The following MOK variants were observed in gnomAD, a reference collection of about 807,000 sequenced individuals.
MOK encodes the protein MAPK/MAK/MRK overlapping kinase.
Under a neutral mutation model 54.2 loss-of-function variants are expected in MOK, and 59 were observed. The observed-to-expected ratio is 1.09, with a 90% CI of 0.88 to 1.35. The LOEUF (loss-of-function observed/expected upper bound fraction) is 1.35. Among genes scored for constraint, MOK ranks in the 40% most tolerant of loss-of-function variants. MOK has a pLI of 0.00. For missense variants in MOK, 517 were observed against 526.2 expected (o/e 0.98, Z 0.17); for synonymous variants, 210 against 202.7 (o/e 1.04, Z -0.31).
rs143143401 is a variant in MOK, at chr14:102,229,901, G to C, written c.982-244C>G. The C allele has an allele frequency of 7.1e-4, 357 of 500,240 alleles. 2 individuals are homozygous for C. The highest frequency in any genetic ancestry group is 6.2e-3 in the African/African-American group (325 of 52,034). The allele number at this position is 500,240 out of a possible 1,614,324, so 31.0% of individuals were successfully genotyped here. On this transcript the variant is annotated intron_variant, in intron 10 of 11. Coordinates refer to ENST00000361847, the MANE Select transcript of MOK (RefSeq NM_014226.3). ...ATGCCGACTGCAAGCTGAGCAGTGCGGGCGGCAAAGGGCTCGCGGGCTGTG... is the reference window on the plus strand; with the variant it reads ...ATGCCGACTGCAAGCTGAGCAGTGCCGGCGGCAAAGGGCTCGCGGGCTGTG...
intron 2 of MOK, among the ~76,000 whole-genome samples, chr14:102,281,618 T>A (rs1017657873): frequency 2.4e-4 from 37 of 152,020 alleles, no homozygotes; most frequent in South Asian, 2.1e-4. Context: ...GTTTTTTTTT[T>A]AATTTTTGTA....
At chr14:102,287,781 T>C (rs1597569832) in intron 1 of MOK, among the ~76,000 whole-genome samples, 3 of 151,312 alleles carry the variant, frequency 2.0e-5, no homozygotes, top group Non-Finnish European at 1.5e-5. Context: ...TGGAAAATGG[T>C]GCAGACACTA....
chr14:102,253,596 G>C (rs939831617), intron 4 of MOK, among the ~76,000 whole-genome samples: 2 of 152,192 alleles, frequency 1.3e-5, no homozygotes, highest in Non-Finnish European at 2.9e-5. Context: ...GTTTAGCGTG[G>C]CTGGCACAGT....
chr14:102,272,182 A>T (rs934948948), intron 2 of MOK, among the ~76,000 whole-genome samples: 1 of 152,206 alleles, frequency 6.6e-6, no homozygotes, highest in African/African-American at 2.4e-5. Flanking sequence ...CCTAACAAAG[A>T]CTTTTATATA....
chr14:102,239,503 C>T (rs2065526835), intron 7 of MOK, among the ~76,000 whole-genome samples: 1 of 138,796 alleles, frequency 7.2e-6, no homozygotes, highest in South Asian at 2.1e-4. Flanking sequence ...CAAACAGGCA[C>T]ACCAGGCCCT....
the MOK span, chr14:102,214,639 C>A: frequency 1.0e-6 from 1 of 984,468 alleles, no homozygotes; most frequent in Non-Finnish European, 1.2e-6. Flanking sequence ...TTATGTTAGG[C>A]GACACTGTAT....
At chr14:102,239,192 C>T (rs1237691720) in intron 7 of MOK, among the ~76,000 whole-genome samples, 1 of 152,126 alleles carries the variant, frequency 6.6e-6, no homozygotes, top group African/African-American at 2.4e-5. Flanking sequence ...TATCCCATAT[C>T]GACCCCAATC....
rs548811823 is a variant in MOK at position 102,294,217 on chromosome 14, C to G, written c.8-10625G>C. On this transcript the variant is annotated intron_variant, in intron 1 of 11. Coordinates refer to ENST00000361847, the MANE Select transcript of MOK (RefSeq NM_014226.3). ...ATCCCAGCACTTTGGGAGGCCAAGG[C>G]GGGCGGATCACGAGGTCAGGAGATC... Among the ~76,000 whole-genome samples the G allele has an allele frequency of 2.0e-5, 3 of 150,472 alleles. 1 individual carries two copies. In the East Asian group the frequency reaches 5.8e-4, roughly 29 times the overall value.
chr14:102,292,855 T>C (rs1350927820), intron 1 of MOK, among the ~76,000 whole-genome samples: 3 of 152,122 alleles, frequency 2.0e-5, no homozygotes, highest in Non-Finnish European at 2.9e-5. Flanking sequence ...ACATTGAGGC[T>C]GGGTGTGGTA....
chr14:102,265,884 T>C lies in MOK; in HGVS notation c.151A>G (p.Ile51Val), dbSNP rs1387966273. The part of the protein sequence containing the change: ...SIEQVNNLRE[I>V]QALRRLNPHP... The stretch of plus-strand genomic sequence containing the variant: ...GGATTCAGGCGCCTCAGTGCTTGGA[T>C]CTCTCGTAGGTTGTTGACTTGCTCA... Residue 51 changes from isoleucine to valine, a missense_variant, in exon 3 of 12, where the codon ATC becomes GTC. Transcript: ENST00000361847. The C allele has an allele frequency of 6.2e-7, 1 of 1,613,902 alleles. No homozygotes were observed. Among genetic ancestry groups the C allele is most frequent in the Non-Finnish European group, 8.5e-7 (1 of 1,179,906 alleles).
At chr14:102,223,041 C>T (rs1448646267), downstream of MOK, 6 of 736,066 alleles carry the variant, frequency 8.2e-6, no homozygotes, top group African/African-American at 3.6e-5. Context: ...TCTGCGGCGC[C>T]GTGCTCCCGC....
At chr14:102,258,247 G>A (rs962765888) in intron 4 of MOK, among the ~76,000 whole-genome samples, 7 of 151,962 alleles carry the variant, frequency 4.6e-5, no homozygotes, top group African/African-American at 1.4e-4. Flanking sequence ...TCTTACCCTC[G>A]CCCTACCAGC....
At position 102,231,686 on chromosome 14, in the gene MOK, G is replaced by T; in HGVS notation, c.981+21C>A. 6.2e-7 allele frequency: 1 copy of T among 1,602,396 alleles called. No individual in the cohort carries two copies. The highest frequency in any genetic ancestry group is 1.1e-5 in the South Asian group (1 of 90,624). The stretch of plus-strand genomic sequence containing the variant: ...GTCCCGGCTGAGCTAGGCAGTCTCC[G>T]GCTCCGATTTCGCTTAGTACCTGCT... On this transcript the variant is annotated intron_variant, in intron 10 of 11. Coordinates refer to ENST00000361847, the MANE Select transcript of MOK (RefSeq NM_014226.3). This position sits in a 1 kb window ranked among gnomAD's most constrained non-coding sequence, Gnocchi z 4.4.
intron 1 of MOK, among the ~76,000 whole-genome samples, chr14:102,298,731 C>G (rs370824640): frequency 6.6e-6 from 1 of 152,178 alleles, no homozygotes; most frequent in Non-Finnish European, 1.5e-5. Flanking sequence ...TCCCCTTCCA[C>G]AATGTGGAAG....
Position 102,303,316 on chromosome 14 carries a change from C to T in MOK, c.7+1646G>A, listed in dbSNP as rs1452049959. Among the ~76,000 whole-genome samples the T allele has an allele frequency of 2.0e-5, 3 of 152,206 alleles. No individual in the cohort carries two copies. In the East Asian group the frequency reaches 5.8e-4, roughly 29 times the overall value. On this transcript the variant is annotated intron_variant, in intron 1 of 11. Transcript: ENST00000361847. ...GCCTCTCACATATTCCTGGTAAAAA[C>T]ATTTAAGCTGAAGCTAATCATGAGG...
chr14:102,302,699 G>A (rs922800268), intron 1 of MOK, among the ~76,000 whole-genome samples: 1 of 152,086 alleles, frequency 6.6e-6, no homozygotes, highest in East Asian at 1.9e-4. Context: ...ACAGGTGTGA[G>A]CCACTGCGCC....
intron 7 of MOK, among the ~76,000 whole-genome samples, chr14:102,244,864 G>C (rs34440178): frequency 0.27 from 41,101 of 151,712 alleles, 6,763 homozygotes; most frequent in African/African-American, 0.47. Context: ...CCTTCATACC[G>C]CTTACCATCC....
chr14:102,261,428 T>A (rs1171017029), intron 4 of MOK, among the ~76,000 whole-genome samples: 84 of 61,028 alleles, frequency 1.4e-3, no homozygotes, highest in Non-Finnish European at 1.8e-3. Context: ...AATATATATA[T>A]ATATATATAT....
At chr14:102,222,763 G>A (rs1367314821), downstream of MOK, 8 of 1,579,252 alleles carry the variant, frequency 5.1e-6, no homozygotes, top group East Asian at 1.8e-4. This position sits in a 1 kb window ranked among gnomAD's most constrained non-coding sequence, Gnocchi z 4.4. Flanking sequence ...TGCTGGCGGA[G>A]GGCGCGCATG....
Sources: allele counts gnomAD v4.1 joint callset (sites outside exome capture counted in the v4.1 genomes callset), GRCh38; gene constraint gnomAD v4.1.1; non-coding constraint Gnocchi (gnomAD v3.1); transcripts MANE v1.5; gene names NCBI Gene and HGNC (gene_info 2026-07-23, HGNC 2026-07-21).